PMS1: variants seen among roughly 807,000 people sequenced by gnomAD.
PMS1 encodes the protein PMS1 protein homolog 1.
Under a neutral mutation model 93.1 loss-of-function variants are expected in PMS1, and 79 were observed. The observed-to-expected ratio is 0.85, with a 90% CI of 0.71 to 1.02. The LOEUF (loss-of-function observed/expected upper bound fraction) is 1.02, where lower values mean the gene tolerates loss of function less well. Ranked by LOEUF, PMS1 falls within the 50% of genes least tolerant of loss-of-function variation. The pLI is 0.00. For missense variants in PMS1, 1,064 were observed against 1,085.3 expected (o/e 0.98, Z 0.28); for synonymous variants, 335 against 363.4 (o/e 0.92, Z 0.89).
chr2:189,826,773 G>A (rs1228099094), intron 5 of PMS1, among the ~76,000 whole-genome samples: 3 of 152,124 alleles, frequency 2.0e-5, no homozygotes, highest in Admixed American at 6.5e-5. Flanking sequence ...TTATAGGAGG[G>A]AGGGCTGCAT....
chr2:189,846,863 C>CTTTTTTTTT (rs751908829), intron 6 of PMS1, among the ~76,000 whole-genome samples: 2 of 137,742 alleles, frequency 1.5e-5, no homozygotes, highest in Non-Finnish European at 3.2e-5. Context: ...TCTTTTTTTT[C>CTTTTTTTTT]TTTTTTTTTT....
At chr2:189,867,394 CAT>C (rs545677536) in intron 10 of PMS1, among the ~76,000 whole-genome samples, 160 of 152,298 alleles carry the variant, frequency 1.1e-3, no homozygotes, top group Admixed American at 2.4e-3. Context: ...AAAGAGATTA[CAT>C]GTTTATCTTT....
At chr2:189,851,874 A>G (rs570901124) in intron 6 of PMS1, among the ~76,000 whole-genome samples, 2 of 152,294 alleles carry the variant, frequency 1.3e-5, no homozygotes, top group East Asian at 3.9e-4. Context: ...TCTGTCTTAT[A>G]TTCTTAACAG....
In PMS1 at chr2:189,854,768, G is replaced by A. The variant is rs775222893; in HGVS notation, c.1496G>A (p.Ser499Asn). The A allele has an allele frequency of 2.5e-6, 4 of 1,613,782 alleles. No homozygotes were observed. Among genetic ancestry groups the A allele is most frequent in the Non-Finnish European group, 3.4e-6 (4 of 1,179,774 alleles). The change falls in exon 9 of 13, where the codon AGC becomes AAC. Residue 499 changes from serine to asparagine, a missense_variant. Coordinates refer to ENST00000441310, the MANE Select transcript of PMS1 (RefSeq NM_000534.5). ...NSSEISADEW[S>N]RGNILKNSVG... is the part of the protein sequence containing the mutation. ...TCGGAAATTTCTGCAGATGAGTGGA[G>A]CAGGGGAAATATACTTAAAAATTCA...
chr2:189,867,737 T>C, intron 10 of PMS1, 62 bp from the exon 11 acceptor site: 1 of 1,259,932 alleles, frequency 7.9e-7, no homozygotes, highest in South Asian at 1.2e-5. Flanking sequence ...GATTAACTTT[T>C]TCCCGTAAAC....
chr2:189,812,718 AATT>A (rs1269445540), intron 4 of PMS1, among the ~76,000 whole-genome samples: 1 of 152,206 alleles, frequency 6.6e-6, no homozygotes, highest in African/African-American at 2.4e-5. Flanking sequence ...GTAAACTGAT[AATT>A]TAAGAATATA....
intron 1 of PMS1, among the ~76,000 whole-genome samples, chr2:189,786,093 C>A (rs1488394650): frequency 6.6e-6 from 1 of 151,968 alleles, no homozygotes; most frequent in Non-Finnish European, 1.5e-5. Flanking sequence ...GCACTCTGGC[C>A]TGGGCAACAA....
At chr2:189,833,763 T>G (rs531153789) in intron 5 of PMS1, among the ~76,000 whole-genome samples, 93 of 152,338 alleles carry the variant, frequency 6.1e-4, no homozygotes, top group South Asian at 2.5e-3. Context: ...CAGCACTATG[T>G]GGGAGACTTG....
chr2:189,862,651 C>T (rs1433666110), intron 9 of PMS1, among the ~76,000 whole-genome samples: 1 of 152,144 alleles, frequency 6.6e-6, no homozygotes, highest in East Asian at 1.9e-4. Flanking sequence ...TGACAGATCA[C>T]CTTGAGCTTG....
intron 11 of PMS1, among the ~76,000 whole-genome samples, chr2:189,871,143 G>A (rs1007683941): frequency 7.9e-5 from 12 of 152,052 alleles, no homozygotes; most frequent in South Asian, 2.1e-4. Context: ...AACTTCTTTC[G>A]CTAGATAGTG....
Position 189,864,203 on chromosome 2 carries a change from G to C in PMS1, c.2317G>C (p.Glu773Gln), listed in dbSNP as rs778857327. 1.9e-6 allele frequency: 3 copies of C among 1,606,624 alleles called. No individual in the cohort carries two copies. In the South Asian group the frequency reaches 3.3e-5, roughly 18 times the overall value. ...TCATAAACTTCCTGCAGAGCCACTG[G>C]AAAAGCCAATTATGTTAACAGAGAG... ...ENHKLPAEPL[E>Q]KPIMLTESLF... The change falls in exon 10 of 13, where the codon GAA becomes CAA. Residue 773 changes from glutamate (E) to glutamine (Q), a missense_variant. By Grantham distance (29) the Glu-to-Gln change is conservative. Coordinates refer to ENST00000441310, the MANE Select transcript of PMS1 (RefSeq NM_000534.5).
At chr2:189,798,530 A>G (rs929442026) in intron 3 of PMS1, among the ~76,000 whole-genome samples, 5 of 152,176 alleles carry the variant, frequency 3.3e-5, no homozygotes, top group Admixed American at 6.5e-5. Flanking sequence ...AGAGCCTTCA[A>G]ATAGATTTTG....
intron 5 of PMS1, among the ~76,000 whole-genome samples, chr2:189,826,382 C>T (rs886980821): frequency 3.3e-5 from 5 of 150,528 alleles, no homozygotes; most frequent in East Asian, 3.9e-4. Flanking sequence ...TTAAAGAAGG[C>T]GGACATCTTT....
intron 6 of PMS1, among the ~76,000 whole-genome samples, chr2:189,852,396 A>G (rs574711347): frequency 1.3e-5 from 2 of 152,332 alleles, no homozygotes; most frequent in Admixed American, 1.3e-4. Flanking sequence ...CTGAAAGTAT[A>G]ACCATTCATG....
At position 189,867,856 on chromosome 2, in the gene PMS1, A is replaced by G. The variant is rs150865251; in HGVS notation, c.2400A>G (p.Gln800=). 9 of 1,593,536 alleles carry G rather than the reference A, an allele frequency of 5.6e-6. No individual in the cohort carries two copies. The highest frequency in any genetic ancestry group is 2.7e-5 in the African/African-American group (2 of 74,518). ...DVLYKMTADD[Q]RYSGSTYLSD... ...TATATAAAATGACAGCAGATGACCA[A>G]AGATACAGTGGATCAACTTACCTGT... Residue 800 remains glutamine, a synonymous_variant, in exon 11 of 13, where the codon CAA becomes CAG. Transcript: ENST00000441310.
At chr2:189,794,683 C>T (rs2049178298) in intron 2 of PMS1, among the ~76,000 whole-genome samples, 2 of 151,950 alleles carry the variant, frequency 1.3e-5, no homozygotes, top group Non-Finnish European at 2.9e-5. Context: ...AAGTTGGCTG[C>T]CAAATTTAGA....
intron 1 of PMS1, among the ~76,000 whole-genome samples, chr2:189,790,458 G>A (rs566261158): frequency 6.6e-6 from 1 of 152,244 alleles, no homozygotes; most frequent in Non-Finnish European, 1.5e-5. Context: ...GTATCTGTGA[G>A]CTTTCGGTGA....
At chr2:189,822,642 G>A (rs1430653382) in intron 5 of PMS1, among the ~76,000 whole-genome samples, 1 of 152,206 alleles carries the variant, frequency 6.6e-6, no homozygotes, top group East Asian at 1.9e-4. Flanking sequence ...TGCTAAGAGA[G>A]TAAGAGTAGA....
At chr2:189,846,181 C>G (rs112400332) in intron 6 of PMS1, among the ~76,000 whole-genome samples, 1 of 151,908 alleles carries the variant, frequency 6.6e-6, no homozygotes, top group Admixed American at 6.6e-5. Flanking sequence ...CAAGACCAGC[C>G]TGGGCAACAT....
Sources: allele counts gnomAD v4.1 joint callset (sites outside exome capture counted in the v4.1 genomes callset), GRCh38; gene constraint gnomAD v4.1.1; transcripts MANE v1.5; gene names NCBI Gene and HGNC (gene_info 2026-07-23, HGNC 2026-07-21).